Variants in NKAIN3 observed in about 807,000 individuals in gnomAD.
NKAIN3 encodes the protein sodium/potassium transporting ATPase interacting 3.
Under a neutral mutation model 30.2 loss-of-function variants are expected in NKAIN3, and 25 were observed. The observed-to-expected ratio is 0.83, with a 90% CI of 0.60 to 1.16. NKAIN3 has a LOEUF of 1.16. NKAIN3 is among the 50% of genes most tolerant of loss of function. The pLI is 0.00. For missense variants in NKAIN3, 225 were observed against 254.1 expected (o/e 0.89, Z 0.78); for synonymous variants, 91 against 89.6 (o/e 1.02, Z -0.09).
At chr8:62,767,367 G>A (rs1816873384) in intron 4 of NKAIN3, among the ~76,000 whole-genome samples, 1 of 152,100 alleles carries the variant, frequency 6.6e-6, no homozygotes, top group Non-Finnish European at 1.5e-5. Flanking sequence ...TGAATTAGGA[G>A]GGCATACACC....
At chr8:62,320,795 C>G (rs538432006) in intron 1 of NKAIN3, among the ~76,000 whole-genome samples, 3 of 152,168 alleles carry the variant, frequency 2.0e-5, no homozygotes, top group African/African-American at 7.2e-5. Context: ...TTTCGTGAAT[C>G]TGACAATTAT....
chr8:62,495,158 C>A (rs1006562186), intron 1 of NKAIN3, among the ~76,000 whole-genome samples: 1 of 152,072 alleles, frequency 6.6e-6, no homozygotes, highest in East Asian at 1.9e-4. Context: ...GCTTGCCATA[C>A]TGCAGTTTTG....
intron 3 of NKAIN3, among the ~76,000 whole-genome samples, chr8:62,610,503 A>G (rs1811256450): frequency 6.6e-6 from 1 of 152,096 alleles, no homozygotes; most frequent in Non-Finnish European, 1.5e-5. Flanking sequence ...CACAGACAGA[A>G]TCTTTAATTC....
chr8:62,581,110 T>TATAAAGTAAAATAAA (rs1810277844), intron 2 of NKAIN3, among the ~76,000 whole-genome samples: 1 of 114,342 alleles, frequency 8.7e-6, no homozygotes, highest in East Asian at 2.5e-4. Context: ...CTCAAAAAAA[T>TATAAAGTAAAATAAA]ATAAAATAAA....
At chr8:62,906,990 G>T (rs1290392764) in intron 4 of NKAIN3, among the ~76,000 whole-genome samples, 1 of 152,162 alleles carries the variant, frequency 6.6e-6, no homozygotes, top group Non-Finnish European at 1.5e-5. Context: ...AGACAGGAAG[G>T]TGTGAAAAAG....
intron 4 of NKAIN3, among the ~76,000 whole-genome samples, chr8:62,841,483 C>G (rs1819530934): frequency 6.6e-6 from 1 of 152,020 alleles, no homozygotes; most frequent in Admixed American, 6.6e-5. Flanking sequence ...CCACCCAAGC[C>G]CCCCATCCCT....
At chr8:62,424,268 G>A (rs1253471117) in intron 1 of NKAIN3, among the ~76,000 whole-genome samples, 1 of 151,774 alleles carries the variant, frequency 6.6e-6, no homozygotes, top group Non-Finnish European at 1.5e-5. Context: ...AAATTTCTTG[G>A]ATATGACACC....
intron 1 of NKAIN3, among the ~76,000 whole-genome samples, chr8:62,572,199 T>G (rs764184123): frequency 6.6e-6 from 1 of 152,188 alleles, no homozygotes; most frequent in Non-Finnish European, 1.5e-5. Context: ...TTCCATCAGA[T>G]ACCCTAAATC....
In NKAIN3 at chr8:62,650,323, C is replaced by T. The variant is rs55665921; in HGVS notation, c.273+60529C>T. On this transcript the variant is annotated intron_variant, in intron 3 of 6. Coordinates refer to ENST00000623646, the MANE Select transcript of NKAIN3 (RefSeq NM_001304533.3). ...TCTGCCTCGCAATAGAGTAACAATG[C>T]TCTAATTGGTCTTGGTGCCTATAGT... is the stretch of plus-strand genomic sequence containing the variant. 9.4e-3 allele frequency among the ~76,000 whole-genome samples: 1,429 copies of T among 152,244 alleles called. 16 individuals are homozygous for T. The highest frequency in any genetic ancestry group is 0.032 in the African/African-American group (1,326 of 41,548).
In NKAIN3 at chr8:62,733,354, G is replaced by C. The variant is rs544441558; in HGVS notation, c.274-13578G>C. On this transcript the variant is annotated intron_variant, in intron 3 of 6. Transcript: ENST00000623646. The stretch of plus-strand genomic sequence containing the variant: ...GAAATACACTTAGGAAGTTCCATTG[G>C]TGGTAAATAGTCTAGATTTTATTTG... Among the ~76,000 whole-genome samples the C allele has an allele frequency of 4.1e-4, 63 of 152,144 alleles. No homozygotes were observed. The South Asian group carries it at 4.6e-3, about 11-fold the overall frequency.
intron 1 of NKAIN3, among the ~76,000 whole-genome samples, chr8:62,264,768 G>A (rs1812554667): frequency 6.6e-6 from 1 of 152,156 alleles, no homozygotes; most frequent in Non-Finnish European, 1.5e-5. Context: ...GCTGCAGCTT[G>A]ATCTGTCCAG....
chr8:62,359,095 A>G (rs1344116827), intron 1 of NKAIN3, among the ~76,000 whole-genome samples: 1 of 152,152 alleles, frequency 6.6e-6, no homozygotes, highest in Admixed American at 6.5e-5. Context: ...AGGCAGGAGA[A>G]TAGTGTGAAC....
intron 4 of NKAIN3, among the ~76,000 whole-genome samples, chr8:62,753,338 T>C (rs945192174): frequency 2.0e-5 from 3 of 152,112 alleles, no homozygotes; most frequent in Admixed American, 6.5e-5. Flanking sequence ...CCTACAGTGC[T>C]GTATTTTACT....
chr8:62,840,204 ACTG>A (rs1411349092), intron 4 of NKAIN3, among the ~76,000 whole-genome samples: 1 of 152,046 alleles, frequency 6.6e-6, no homozygotes, highest in African/African-American at 2.4e-5. Context: ...TTATCCTCCT[ACTG>A]CTAATTCCAC....
rs191801533 is a variant in NKAIN3, at chr8:62,291,724, G to T, written c.54+42597G>T. Among the ~76,000 whole-genome samples, 278 of 152,302 alleles carry T rather than the reference G, an allele frequency of 1.8e-3. 1 individual carries two copies. The highest frequency in any genetic ancestry group is 6.4e-3 in the African/African-American group (267 of 41,560). On this transcript the variant is annotated intron_variant, in intron 1 of 6. Transcript: ENST00000623646. ...AGAATGTATATTCTGTTGATTTGGG[G>T]TGGAGAGTTCTGTAGATGTCTATTA... is the stretch of plus-strand genomic sequence containing the variant.
rs17192653 is a variant in NKAIN3, at chr8:62,968,762, A to G, written c.*3355A>G. 0.065 allele frequency among the ~76,000 whole-genome samples: 9,960 copies of G among 152,228 alleles called. 368 individuals are homozygous for G. Among genetic ancestry groups the G allele is most frequent in the South Asian group, 0.099 (476 of 4,818 alleles). On this transcript the variant is annotated 3_prime_UTR_variant, in exon 7 of 7. Coordinates refer to ENST00000623646, the MANE Select transcript of NKAIN3 (RefSeq NM_001304533.3). ...GCCTTCTATCTTGTGTGAATGATGCATCCTTTCTTAAGCGTCTTCTGCTGA... is the reference window on the plus strand; with the variant it reads ...GCCTTCTATCTTGTGTGAATGATGCGTCCTTTCTTAAGCGTCTTCTGCTGA...
intron 5 of NKAIN3, among the ~76,000 whole-genome samples, chr8:62,943,939 T>TATAA (rs1823049859): frequency 6.6e-6 from 1 of 151,852 alleles, no homozygotes; most frequent in African/African-American, 2.4e-5. Context: ...TGTTTTCACT[T>TATAA]ATAAATGGGA....
At chr8:62,947,606 C>T (rs186717187) in intron 5 of NKAIN3, among the ~76,000 whole-genome samples, 50 of 152,272 alleles carry the variant, frequency 3.3e-4, no homozygotes, top group African/African-American at 1.2e-3. Context: ...GGCAGCTGTC[C>T]TGACTAATCA....
At chr8:62,622,607 T>G (rs530123353) in intron 3 of NKAIN3, among the ~76,000 whole-genome samples, 1 of 152,188 alleles carries the variant, frequency 6.6e-6, no homozygotes, top group South Asian at 2.1e-4. Flanking sequence ...TTGCGCATTT[T>G]CTAATTGGAT....
Sources: gnomAD v4.1 joint callset for allele counts (sites outside exome capture counted in the v4.1 genomes callset) on GRCh38, gnomAD v4.1.1 for gene constraint, MANE v1.5 for transcripts, NCBI Gene and HGNC (gene_info 2026-07-23, HGNC 2026-07-21) for gene names.